RNF180: variants seen among roughly 807,000 people sequenced by gnomAD.
The protein encoded by RNF180 is E3 ubiquitin-protein ligase RNF180.
A neutral mutation model predicts 59.2 loss-of-function variants in RNF180; 38 were observed. The observed-to-expected ratio is 0.64, with a 90% CI of 0.50 to 0.84. RNF180 has a LOEUF of 0.84. Among genes scored for constraint, RNF180 ranks in the 40% least tolerant of loss-of-function variants. The pLI, the probability that RNF180 is intolerant of heterozygous loss-of-function variation, is 0.00. For missense variants in RNF180, 705 were observed against 700.9 expected (o/e 1.01, Z -0.07); for synonymous variants, 262 against 240.3 (o/e 1.09, Z -0.84).
At chr5:64,282,348 A>G (rs1161632262) in intron 5 of RNF180, among the ~76,000 whole-genome samples, 1 of 152,144 alleles carries the variant, frequency 6.6e-6, no homozygotes, top group Non-Finnish European at 1.5e-5. Flanking sequence ...TGTTTGTAAT[A>G]GTCTCTGAGG....
rs1339275440 is a variant in RNF180, at chr5:64,369,895, A to T, written c.*81A>T. 5.1e-6 allele frequency: 4 copies of T among 783,550 alleles called. No homozygotes were observed. The highest frequency in any genetic ancestry group is 7.6e-6 in the Non-Finnish European group (4 of 526,878). 48.5% of individuals were successfully genotyped at this position (783,550 alleles called of 1,614,324 possible). A position where few individuals can be genotyped will look rare whatever the true frequency, so the allele number is the denominator to read the frequency against. Reference sequence around the variant, plus strand: ...TTAAACATTTTTAAATGTGCTTTGAAGTTTTTTTAATGTTGCATTATACAA... The same window carrying T: ...TTAAACATTTTTAAATGTGCTTTGATGTTTTTTTAATGTTGCATTATACAA... On this transcript the variant is annotated 3_prime_UTR_variant, in exon 8 of 8. Transcript: ENST00000389100.
intron 5 of RNF180, among the ~76,000 whole-genome samples, chr5:64,292,171 C>G (rs1403510385): frequency 6.6e-6 from 1 of 152,130 alleles, no homozygotes; most frequent in Non-Finnish European, 1.5e-5. Flanking sequence ...CGTGCCCTTG[C>G]TGGTAAGGTG....
intron 1 of RNF180, among the ~76,000 whole-genome samples, chr5:64,172,605 A>C (rs1750000810): frequency 1.3e-5 from 2 of 152,200 alleles, no homozygotes. Flanking sequence ...AATAGTAAAT[A>C]GTATCTGATG....
rs188598229 is a variant in RNF180 at position 64,252,029 on chromosome 5, A to G, written c.1227+34633A>G. ...AGAGTGTTCTATAGATTTCACAAAA[A>G]TACAAAAAAAATCCCTAATATTTAT... On this transcript the variant is annotated intron_variant, in intron 5 of 7. Coordinates refer to ENST00000389100, the MANE Select transcript of RNF180 (RefSeq NM_001113561.2). Among the ~76,000 whole-genome samples, 11 of 152,306 alleles carry G rather than the reference A, an allele frequency of 7.2e-5. No individual in the cohort carries two copies. In the East Asian group the frequency reaches 2.1e-3, roughly 29 times the overall value.
intron 1 of RNF180, among the ~76,000 whole-genome samples, chr5:64,174,663 A>G (rs182091050): frequency 1.9e-4 from 29 of 152,074 alleles, no homozygotes; most frequent in African/African-American, 7.0e-4. Flanking sequence ...GATTATTATT[A>G]TTTTACTGTT....
At chr5:64,343,883 G>A (rs1203618299) in intron 7 of RNF180, among the ~76,000 whole-genome samples, 1 of 151,464 alleles carries the variant, frequency 6.6e-6, no homozygotes, top group African/African-American at 2.4e-5. Context: ...CTAGCTGGAA[G>A]CACAGAACTT....
intron 5 of RNF180, among the ~76,000 whole-genome samples, chr5:64,272,738 G>A (rs1039974484): frequency 2.0e-5 from 3 of 151,950 alleles, no homozygotes; most frequent in Non-Finnish European, 4.4e-5. Flanking sequence ...CAGAGACTAG[G>A]ATGAAAAGGA....
At chr5:64,222,132 T>C (rs879757277) in intron 5 of RNF180, among the ~76,000 whole-genome samples, 4 of 152,164 alleles carry the variant, frequency 2.6e-5, no homozygotes, top group Admixed American at 6.5e-5. Context: ...TACTGGTTAG[T>C]TATTTTGTAA....
intron 5 of RNF180, among the ~76,000 whole-genome samples, chr5:64,237,089 C>G (rs1197271836): frequency 6.6e-6 from 1 of 152,232 alleles, no homozygotes; most frequent in South Asian, 2.1e-4. Flanking sequence ...AAGAGGGCCA[C>G]TGTCCTCCAG....
chr5:64,359,010 A>T (rs1212833502), intron 7 of RNF180, among the ~76,000 whole-genome samples: 80 of 150,658 alleles, frequency 5.3e-4, no homozygotes, highest in Middle Eastern at 3.4e-3. Flanking sequence ...TATATGTGCC[A>T]CATTTTCTTA....
At chr5:64,242,110 G>GCC (rs1742843613) in intron 5 of RNF180, among the ~76,000 whole-genome samples, 1 of 152,154 alleles carries the variant, frequency 6.6e-6, no homozygotes, top group African/African-American at 2.4e-5. Context: ...ACAATCCAGT[G>GCC]CTATGCTGTT....
At chr5:64,168,333 G>A (rs778620901) in intron 1 of RNF180, among the ~76,000 whole-genome samples, 1 of 152,120 alleles carries the variant, frequency 6.6e-6, no homozygotes, top group Non-Finnish European at 1.5e-5. Context: ...TGATGGCTAC[G>A]AAGGCAGTTT....
At chr5:64,271,547 A>C (rs1047527941) in intron 5 of RNF180, among the ~76,000 whole-genome samples, 4 of 152,024 alleles carry the variant, frequency 2.6e-5, no homozygotes, top group African/African-American at 9.7e-5. Flanking sequence ...ATACTATCTA[A>C]GTTTGTGTAA....
At chr5:64,243,472 G>A (rs1383896732) in intron 5 of RNF180, among the ~76,000 whole-genome samples, 1 of 152,232 alleles carries the variant, frequency 6.6e-6, no homozygotes, top group Non-Finnish European at 1.5e-5. Context: ...ACGCCTGGAA[G>A]TTTGAACTGG....
At chr5:64,356,705 A>G (rs570004349) in intron 7 of RNF180, among the ~76,000 whole-genome samples, 21 of 152,012 alleles carry the variant, frequency 1.4e-4, no homozygotes, top group South Asian at 6.3e-4. Context: ...ATACTGCAAT[A>G]TGGATGAACC....
At chr5:64,277,976 G>T (rs989090482) in intron 5 of RNF180, among the ~76,000 whole-genome samples, 2 of 152,136 alleles carry the variant, frequency 1.3e-5, no homozygotes, top group Non-Finnish European at 1.5e-5. Context: ...GAAAGTATTG[G>T]TTTATCCAAC....
chr5:64,313,716 T>C (rs536730366), intron 5 of RNF180, among the ~76,000 whole-genome samples: 1 of 152,310 alleles, frequency 6.6e-6, no homozygotes, highest in East Asian at 1.9e-4. Flanking sequence ...TTGAGTTCTT[T>C]GAGAAGTCAC....
intron 5 of RNF180, among the ~76,000 whole-genome samples, chr5:64,266,104 C>T (rs1473371477): frequency 6.6e-6 from 1 of 152,132 alleles, no homozygotes; most frequent in Admixed American, 6.6e-5. Context: ...TGTTTATCAG[C>T]TTAAAGAGTT....
chr5:64,222,677 G>A (rs1244973112), intron 5 of RNF180, among the ~76,000 whole-genome samples: 5 of 152,190 alleles, frequency 3.3e-5, no homozygotes, highest in Admixed American at 6.5e-5. Flanking sequence ...AGGAAAACAG[G>A]TGTTAAGCAT....
Sources: gnomAD v4.1 joint callset for allele counts (sites outside exome capture counted in the v4.1 genomes callset) on GRCh38, gnomAD v4.1.1 for gene constraint, MANE v1.5 for transcripts, NCBI Gene and HGNC (gene_info 2026-07-23, HGNC 2026-07-21) for gene names.